CCDC18: variants seen among roughly 807,000 people sequenced by gnomAD.
The protein encoded by CCDC18 is coiled-coil domain containing 18.
Under a neutral mutation model 196.0 loss-of-function variants are expected in CCDC18, and 157 were observed. The observed-to-expected ratio is 0.80, with a 90% CI of 0.70 to 0.91. CCDC18 has a LOEUF of 0.91. Ranked by LOEUF, CCDC18 falls within the 40% of genes least tolerant of loss-of-function variation. CCDC18 has a pLI of 0.00. For missense variants in CCDC18, 1,465 were observed against 1,611.6 expected, an observed-to-expected ratio of 0.91 and a Z score of 1.56; for synonymous variants, 482 against 529.2, an observed-to-expected ratio of 0.91 and a Z score of 1.22.
At position 93,271,209 on chromosome 1, in the gene CCDC18, C is replaced by T. The variant is rs1013662358; in HGVS notation, c.4353+395C>T. On this transcript the variant is annotated intron_variant, in intron 28 of 28. Coordinates refer to ENST00000690025, the MANE Select transcript of CCDC18 (RefSeq NM_001378204.1). ...TCATAATTTACTGTTCATTTGGGCT[C>T]TGTATGTCAAAATAAGTTATTGCTG... The T allele has an allele frequency of 4.1e-6, 4 of 985,174 alleles. No individual in the cohort carries two copies. The African/African-American group carries it at 7.0e-5, about 17-fold the overall frequency. 61.0% of individuals were successfully genotyped at this position (985,174 alleles called of 1,614,324 possible).
At chr1:93,257,987 A>G (rs1663241302) in intron 25 of CCDC18, among the ~76,000 whole-genome samples, 2 of 151,818 alleles carry the variant, frequency 1.3e-5, no homozygotes, top group Admixed American at 1.3e-4. Flanking sequence ...CTTTCACCAC[A>G]CTATATTCCA....
At chr1:93,181,521 G>T (rs1270163066) in intron 1 of CCDC18, among the ~76,000 whole-genome samples, 1 of 152,152 alleles carries the variant, frequency 6.6e-6, no homozygotes, top group Non-Finnish European at 1.5e-5. Flanking sequence ...GTAAATTGAA[G>T]TTAAGGACAT....
chr1:93,274,248 C>T (rs1665508968), intron 28 of CCDC18, among the ~76,000 whole-genome samples: 1 of 151,934 alleles, frequency 6.6e-6, no homozygotes. Context: ...ACTAAAAACA[C>T]AAAAATTAGC....
chr1:93,255,803 A>T (rs1440350189), intron 24 of CCDC18, among the ~76,000 whole-genome samples: 1 of 116,684 alleles, frequency 8.6e-6, no homozygotes, highest in Non-Finnish European at 1.7e-5. Context: ...AGGAGGGGGG[A>T]GGGATAGTGG....
chr1:93,258,456 T>C (rs1333527978), intron 25 of CCDC18, among the ~76,000 whole-genome samples: 2 of 152,176 alleles, frequency 1.3e-5, no homozygotes, highest in Admixed American at 1.3e-4. Flanking sequence ...CAGTAGACTG[T>C]TATCTGCCAG....
intron 27 of CCDC18, among the ~76,000 whole-genome samples, chr1:93,269,081 G>A (rs1388617482): frequency 2.0e-5 from 3 of 151,962 alleles, no homozygotes; most frequent in Non-Finnish European, 4.4e-5. Flanking sequence ...ATACACCATG[G>A]AATACTATGC....
At chr1:93,271,277 T>C (rs1665235711) in intron 28 of CCDC18, 1 of 985,386 alleles carries the variant, frequency 1.0e-6, no homozygotes. Context: ...GAATTAGCCA[T>C]TATTTAAAAG....
chr1:93,239,460 G>C lies in CCDC18; in HGVS notation c.2754G>C (p.Lys918Asn), dbSNP rs1343341676. ...ILDQTKTELE[K>N]KTNAVKELEK... is the part of the protein sequence containing the mutation. ...ATCAGACAAAGACAGAGCTAGAAAAGAAAACAAATGCTGGTAAGCAAGTGG... is the reference window on the plus strand; with the variant it reads ...ATCAGACAAAGACAGAGCTAGAAAACAAAACAAATGCTGGTAAGCAAGTGG... Residue 918 changes from lysine (K) to asparagine (N), a missense_variant, in exon 20 of 29, where the codon AAG (lysine) becomes AAC (asparagine). Lys to Asn is a moderately conservative substitution (Grantham distance 94). Transcript: ENST00000690025. The C allele has an allele frequency of 6.2e-7, 1 of 1,608,514 alleles. No individual in the cohort carries two copies. Among genetic ancestry groups the C allele is most frequent in the Admixed American group, 1.7e-5 (1 of 58,288 alleles).
chr1:93,216,537 A>T, intron 12 of CCDC18, 99 bp from the exon 13 acceptor site: 1 of 554,252 alleles, frequency 1.8e-6, no homozygotes, highest in Non-Finnish European at 3.1e-6. Flanking sequence ...CCTAGACACA[A>T]TGTATTTGAA....
intron 19 of CCDC18, among the ~76,000 whole-genome samples, chr1:93,237,077 A>G (rs1279558891): frequency 6.6e-6 from 1 of 152,162 alleles, no homozygotes. Flanking sequence ...GTCAAGAGTG[A>G]ACTTAGGCAC....
At chr1:93,188,182 T>C (rs1274743208) in intron 4 of CCDC18, among the ~76,000 whole-genome samples, 1 of 152,224 alleles carries the variant, frequency 6.6e-6, no homozygotes, top group Admixed American at 6.5e-5. Flanking sequence ...AGCCACCTAT[T>C]TCAGGCCATG....
At chr1:93,247,212 C>G (rs568263615) in intron 23 of CCDC18, among the ~76,000 whole-genome samples, 4 of 151,780 alleles carry the variant, frequency 2.6e-5, no homozygotes, top group African/African-American at 9.7e-5. Flanking sequence ...CAGGCGTGAG[C>G]GACCACACTC....
intron 25 of CCDC18, 48 bp downstream of exon 25, chr1:93,256,586 T>A: frequency 6.8e-7 from 1 of 1,476,800 alleles, no homozygotes; most frequent in Non-Finnish European, 9.4e-7. Flanking sequence ...CTTACAAATA[T>A]TAGCATTTTT....
intron 6 of CCDC18, among the ~76,000 whole-genome samples, chr1:93,198,509 A>G (rs1284009041): frequency 1.3e-5 from 2 of 152,270 alleles, no homozygotes; most frequent in African/African-American, 4.8e-5. Context: ...AGTGTTCTCT[A>G]TTTGATTGGG....
At chr1:93,258,168 C>T (rs956548463) in intron 25 of CCDC18, among the ~76,000 whole-genome samples, 1 of 151,160 alleles carries the variant, frequency 6.6e-6, no homozygotes, top group Admixed American at 6.6e-5. Flanking sequence ...TTTATGGGAC[C>T]TCCTACCATA....
intron 23 of CCDC18, among the ~76,000 whole-genome samples, chr1:93,251,194 CTG>C (rs1662195924): frequency 6.6e-6 from 1 of 152,158 alleles, no homozygotes; most frequent in Non-Finnish European, 1.5e-5. Context: ...CTGATATCAA[CTG>C]TGATAGCAAA....
chr1:93,246,138 G>A lies in CCDC18; in HGVS notation c.3015G>A (p.Gln1005=), dbSNP rs376182638. The A allele has an allele frequency of 1.2e-4, 197 of 1,605,542 alleles. No individual in the cohort carries two copies. The highest frequency in any genetic ancestry group is 1.5e-4 in the Non-Finnish European group (181 of 1,176,152). ...ECKMEIEDKK[Q]ELLEMDQALK... is the part of the protein sequence containing the mutation. ...AGATGGAGATTGAAGACAAAAAGCA[G>A]GAGCTCCTTGAAATGGATCAGGCAC... The change falls in exon 22 of 29, where the codon CAG becomes CAA. Residue 1005 remains glutamine, a synonymous_variant. Transcript: ENST00000690025.
intron 26 of CCDC18, among the ~76,000 whole-genome samples, chr1:93,259,558 T>C (rs1184933619): frequency 6.6e-6 from 1 of 152,210 alleles, no homozygotes; most frequent in Non-Finnish European, 1.5e-5. Context: ...TATGTTAAAC[T>C]CCATTCAAGG....
intron 19 of CCDC18, among the ~76,000 whole-genome samples, chr1:93,238,967 T>A (rs1239355044): frequency 1.3e-5 from 2 of 152,232 alleles, no homozygotes; most frequent in Admixed American, 1.3e-4. Flanking sequence ...ATTGTTTGGC[T>A]TATTTATTTT....
Sources: gnomAD v4.1 joint callset for allele counts (sites outside exome capture counted in the v4.1 genomes callset) on GRCh38, gnomAD v4.1.1 for gene constraint, MANE v1.5 for transcripts, NCBI Gene and HGNC (gene_info 2026-07-23, HGNC 2026-07-21) for gene names.